Variants in MYO16 observed in about 807,000 individuals in gnomAD.
The protein encoded by MYO16 is myosin XVI.
In MYO16, 94 loss-of-function variants were observed where a neutral mutation model predicts 205.3. The observed-to-expected ratio is 0.46, with a 90% CI of 0.39 to 0.54. The LOEUF is 0.54. Among genes scored for constraint, MYO16 ranks in the 20% least tolerant of loss-of-function variants. The pLI is 0.00. For synonymous variants in MYO16, 988 were observed against 954.0 expected, an observed-to-expected ratio of 1.04 and a Z score of -0.66; for missense variants, 2,315 against 2,387.5, an observed-to-expected ratio of 0.97 and a Z score of 0.63.
intron 4 of MYO16, 129 bp from the exon 5 acceptor site, chr13:108,785,506 A>C (rs771134577): frequency 2.1e-6 from 1 of 484,506 alleles, no homozygotes; most frequent in Non-Finnish European, 3.6e-6. Flanking sequence ...TTCCTACCCG[A>C]TTCTTCAGGG....
chr13:109,072,514 T>G (rs1887953872), intron 27 of MYO16, among the ~76,000 whole-genome samples: 1 of 152,040 alleles, frequency 6.6e-6, no homozygotes, highest in South Asian at 2.1e-4. Flanking sequence ...AATTGGAAAT[T>G]TTCCAGGGAA....
At chr13:108,537,326 G>T in the MYO16 span, among the ~76,000 whole-genome samples, 1 of 152,016 alleles carries the variant, frequency 6.6e-6, no homozygotes, top group Non-Finnish European at 1.5e-5. Flanking sequence ...CAAATGACAT[G>T]ATTTTATTTC....
At chr13:109,163,118 T>A (rs1878464074) in intron 32 of MYO16, among the ~76,000 whole-genome samples, 1 of 152,048 alleles carries the variant, frequency 6.6e-6, no homozygotes, top group South Asian at 2.1e-4. Context: ...CTTTATTCCA[T>A]CTATCCAGCG....
rs141582116 is a variant in MYO16, at chr13:108,813,368, G to C, written c.867+6564G>C. The stretch of plus-strand genomic sequence containing the variant: ...TATGCACCATTGAGCTTAGGTATAT[G>C]TAATTCAAGTGGGGTATGCAAGTAC... On this transcript the variant is annotated intron_variant, in intron 7 of 34. Transcript: ENST00000457511. Among the ~76,000 whole-genome samples the C allele has an allele frequency of 9.9e-5, 15 of 152,232 alleles. No individual in the cohort carries two copies. In the East Asian group the frequency reaches 2.9e-3, roughly 29 times the overall value.
At chr13:109,142,153 C>A (rs1216691108) in intron 32 of MYO16, among the ~76,000 whole-genome samples, 1 of 152,234 alleles carries the variant, frequency 6.6e-6, no homozygotes, top group African/African-American at 2.4e-5. Flanking sequence ...AACTGGCTAA[C>A]CACATGGCTC....
chr13:108,570,998 TCA>T, the MYO16 span, among the ~76,000 whole-genome samples: 1 of 152,212 alleles, frequency 6.6e-6, no homozygotes, highest in African/African-American at 2.4e-5. Flanking sequence ...AAAGTAAGAC[TCA>T]CAGGTTATTA....
rs1880443380 is a variant in MYO16, at chr13:108,640,287, C to T, written c.28+10415C>T. ...AGGCTGGCATGAAGTGAGAAGATCACAGTGCAGGCAGGACCAGCATCCTCT... is the reference window on the plus strand; with the variant it reads ...AGGCTGGCATGAAGTGAGAAGATCATAGTGCAGGCAGGACCAGCATCCTCT... On this transcript the variant is annotated intron_variant, in intron 1 of 34. Transcript: ENST00000457511. 2.6e-5 allele frequency among the ~76,000 whole-genome samples: 4 copies of T among 152,128 alleles called. No individual in the cohort carries two copies. In the South Asian group the frequency reaches 6.2e-4, roughly 24 times the overall value.
chr13:108,581,586 T>C, the MYO16 span, among the ~76,000 whole-genome samples: 1 of 151,960 alleles, frequency 6.6e-6, no homozygotes, highest in Admixed American at 6.6e-5. Context: ...CTAGGCAATG[T>C]TACAAAGTAG....
At chr13:108,825,828 CAGT>C (rs1876232350) in intron 9 of MYO16, among the ~76,000 whole-genome samples, 1 of 112,454 alleles carries the variant, frequency 8.9e-6, no homozygotes, top group African/African-American at 2.7e-5. Flanking sequence ...CATGCTTACC[CAGT>C]AGGTTAGAAA....
rs116615482 is a variant in MYO16 at position 108,662,157 on chromosome 13, G to A, written c.29-3729G>A. ...TAAATTGTCTATGTGTCTCTCAGCC[G>A]TGGATAACAGTACCTGTTCTGGTGG... On this transcript the variant is annotated intron_variant, in intron 1 of 34. Coordinates refer to ENST00000457511, the MANE Select transcript of MYO16 (RefSeq NM_001198950.3). Among the ~76,000 whole-genome samples, 1,381 of 152,310 alleles carry A rather than the reference G, an allele frequency of 9.1e-3. 24 individuals carry two copies. Among genetic ancestry groups the A allele is most frequent in the African/African-American group, 0.031 (1,303 of 41,548 alleles).
At chr13:108,973,973 A>G (rs1291089590) in intron 20 of MYO16, among the ~76,000 whole-genome samples, 1 of 151,896 alleles carries the variant, frequency 6.6e-6, no homozygotes, top group Non-Finnish European at 1.5e-5. Context: ...GGCATTTTGG[A>G]TAATCCATGT....
chr13:108,939,938 A>G (rs1361186283), intron 16 of MYO16, among the ~76,000 whole-genome samples: 2 of 152,156 alleles, frequency 1.3e-5, no homozygotes, highest in Admixed American at 6.5e-5. Flanking sequence ...TAAGTAGAGG[A>G]GAATTTGTCC....
chr13:108,769,778 A>C (rs9521025), intron 4 of MYO16, among the ~76,000 whole-genome samples: 49,973 of 151,970 alleles, frequency 0.33, 9,388 homozygotes, highest in East Asian at 0.63. Flanking sequence ...AAGAGAGAGA[A>C]ATCAAGAATT....
intron 27 of MYO16, among the ~76,000 whole-genome samples, chr13:109,073,577 A>G (rs1887995203): frequency 1.3e-5 from 2 of 152,164 alleles, no homozygotes; most frequent in Admixed American, 6.5e-5. Flanking sequence ...CTTTTAACCA[A>G]TAGACAAGTA....
intron 1 of MYO16, among the ~76,000 whole-genome samples, chr13:108,654,701 T>C (rs1197260368): frequency 1.3e-5 from 2 of 152,222 alleles, no homozygotes; most frequent in Admixed American, 1.3e-4. Context: ...TAGAGATTTG[T>C]TGAATGGCTT....
At chr13:108,554,011 C>A in the MYO16 span, among the ~76,000 whole-genome samples, 3 of 152,202 alleles carry the variant, frequency 2.0e-5, no homozygotes, top group Non-Finnish European at 4.4e-5. Flanking sequence ...TGGTCCAAAG[C>A]CATGCGCTGC....
chr13:108,917,161 G>A (rs567784563), intron 16 of MYO16, among the ~76,000 whole-genome samples: 2 of 152,286 alleles, frequency 1.3e-5, no homozygotes, highest in Admixed American at 6.5e-5. Flanking sequence ...ACACAGAAGA[G>A]AACGTGACCA....
At chr13:109,104,064 G>T (rs755228585) in intron 28 of MYO16, among the ~76,000 whole-genome samples, 1 of 152,148 alleles carries the variant, frequency 6.6e-6, no homozygotes, top group Non-Finnish European at 1.5e-5. Flanking sequence ...GAGAGCCCTT[G>T]TCTTAATTAG....
chr13:108,629,629 C>G lies in MYO16; in HGVS notation c.-216C>G, dbSNP rs1879882491. Reference sequence around the variant, plus strand: ...CACGTGCACCAGTGGTGCCTCAAGACCCACCGGGGAGAGGCTTATCTTAAC... The same window carrying G: ...CACGTGCACCAGTGGTGCCTCAAGAGCCACCGGGGAGAGGCTTATCTTAAC... On this transcript the variant is annotated 5_prime_UTR_variant, in exon 1 of 35. Transcript: ENST00000457511. 1 of 509,846 alleles carries G rather than the reference C, an allele frequency of 2.0e-6. No individual in the cohort carries two copies. The highest frequency in any genetic ancestry group is 3.5e-6 in the Non-Finnish European group (1 of 282,000). The allele number at this position is 509,846 out of a possible 1,614,324, so 31.6% of individuals were successfully genotyped here. A position where few individuals can be genotyped will look rare whatever the true frequency, so the allele number is the denominator to read the frequency against.
Sources: allele counts gnomAD v4.1 joint callset (sites outside exome capture counted in the v4.1 genomes callset), GRCh38; gene constraint gnomAD v4.1.1; transcripts MANE v1.5; gene names NCBI Gene and HGNC (gene_info 2026-07-23, HGNC 2026-07-21).